Variants in ATP2A2 observed in about 807,000 individuals in gnomAD.
ATP2A2 encodes the protein sarcoplasmic/endoplasmic reticulum calcium ATPase 2.
A neutral mutation model predicts 109.3 loss-of-function variants in ATP2A2; 14 were observed. The ratio of observed to expected loss-of-function variants is 0.13; its 90% CI spans 0.08 to 0.20. The LOEUF is 0.20. Ranked by LOEUF, ATP2A2 falls within the 10% of genes least tolerant of loss-of-function variation. The probability of loss-of-function intolerance (pLI) is 1.00; values close to 1 mark genes in which losing one functional copy is unlikely to be tolerated. For synonymous variants in ATP2A2, 506 were observed against 490.9 expected, an observed-to-expected ratio of 1.03 and a Z score of -0.41; for missense variants, 657 against 1,321.6, an observed-to-expected ratio of 0.50 and a Z score of 7.80.
In ATP2A2 at chr12:110,342,598, T is replaced by C. The variant is rs539765494; in HGVS notation, c.2318+150T>C. On this transcript the variant is annotated intron_variant, in intron 15 of 19. Transcript: ENST00000539276. The surrounding 1 kb of genome is among the most constrained non-coding windows in gnomAD (Gnocchi z 4.6). ...GAGTGGGCAAGACAGAAATGCCTTA[T>C]GGAAGCAGTGGTGCTTTGGCCCTCG... 4.2e-6 allele frequency: 4 copies of C among 943,256 alleles called. No individual in the cohort carries two copies. Among genetic ancestry groups the C allele is most frequent in the South Asian group, 4.2e-5 (3 of 71,062 alleles). The allele number at this position is 943,256 out of a possible 1,614,324, so 58.4% of individuals were successfully genotyped here.
intron 5 of ATP2A2, among the ~76,000 whole-genome samples, chr12:110,298,818 G>A (rs1707696558): frequency 1.3e-5 from 2 of 152,010 alleles, no homozygotes; most frequent in South Asian, 4.2e-4. Flanking sequence ...ACTGTTGAAG[G>A]GTATATTGCA....
intron 8 of ATP2A2, 62 bp from the exon 9 acceptor site, chr12:110,332,535 T>C (rs1030788454): frequency 6.1e-5 from 84 of 1,371,968 alleles, no homozygotes; most frequent in Admixed American, 3.5e-4. Context: ...CAAAGGTAGT[T>C]TATTTGTGTA....
At chr12:110,315,013 C>T (rs530294663) in intron 5 of ATP2A2, among the ~76,000 whole-genome samples, 1 of 152,016 alleles carries the variant, frequency 6.6e-6, no homozygotes, top group Admixed American at 6.6e-5. Context: ...ACCACAGGCA[C>T]CCGCCACCAT....
At position 110,307,716 on chromosome 12, in the gene ATP2A2, A is replaced by G. The variant is rs530384299; in HGVS notation, c.463+10979A>G. On this transcript the variant is annotated intron_variant, in intron 5 of 19. Transcript: ENST00000539276. ...ATTTTGTGTGTGTGTTTGTGTGTGG[A>G]TTTAAGTTCCTTATAGATTCTGGAT... is the stretch of plus-strand genomic sequence containing the variant. Among the ~76,000 whole-genome samples the G allele has an allele frequency of 2.6e-5, 4 of 152,222 alleles. No individual in the cohort carries two copies. In the East Asian group the frequency reaches 5.8e-4, roughly 22 times the overall value.
chr12:110,333,486 G>A (rs1878543919), intron 10 of ATP2A2, among the ~76,000 whole-genome samples: 1 of 152,160 alleles, frequency 6.6e-6, no homozygotes, highest in Admixed American at 6.5e-5. Context: ...CTCTGTGACT[G>A]AGCATTGCAG....
intron 5 of ATP2A2, among the ~76,000 whole-genome samples, chr12:110,299,937 G>C (rs1417474255): frequency 6.6e-6 from 1 of 151,578 alleles, no homozygotes; most frequent in Non-Finnish European, 1.5e-5. Flanking sequence ...TGTATTTTTA[G>C]TAGATGTGGG....
In ATP2A2 at chr12:110,334,061, C is replaced by A; in HGVS notation, c.1337C>A (p.Thr446Asn). The A allele has an allele frequency of 6.2e-7, 1 of 1,614,156 alleles. No homozygotes were observed. Residue 446 changes from threonine to asparagine, a missense_variant, in exon 11 of 20, where the codon ACT becomes AAT. Transcript: ENST00000539276. ...KVGEATETAL[T>N]CLVEKMNVFD... ...GGAGAAGCTACAGAGACTGCTCTCA[C>A]TTGCCTAGTAGAGAAGATGAATGTA...
chr12:110,282,461 A>T (rs1027586263), intron 1 of ATP2A2, 143 bp from the exon 2 acceptor site: 30 of 1,139,258 alleles, frequency 2.6e-5, no homozygotes, highest in Non-Finnish European at 3.9e-5. Flanking sequence ...GGATATTCTT[A>T]TAGCTAGGTC....
chr12:110,333,411 A>G (rs1047289265), intron 10 of ATP2A2, 128 bp downstream of exon 10: 5 of 854,960 alleles, frequency 5.8e-6, no homozygotes, highest in Admixed American at 1.9e-5. Context: ...TCCCCCTTCC[A>G]TTCAGAACCT....
chr12:110,349,632 A>G lies in ATP2A2; in HGVS notation c.*3162A>G. 1.0e-6 allele frequency: 1 copy of G among 986,744 alleles called. No individual in the cohort carries two copies. Among genetic ancestry groups the G allele is most frequent in the Non-Finnish European group, 1.2e-6 (1 of 830,776 alleles). The allele number at this position is 986,744 out of a possible 1,614,324, so 61.1% of individuals were successfully genotyped here. A position where few individuals can be genotyped will look rare whatever the true frequency, so the allele number is the denominator to read the frequency against. On this transcript the variant is annotated 3_prime_UTR_variant, in exon 20 of 20. Coordinates refer to ENST00000539276, the MANE Select transcript of ATP2A2 (RefSeq NM_170665.4). ...CTTCAGCCCTGACTGAGGTGGGCAG[A>G]CCTAAGACCTGAGACCACAAGATTA...
chr12:110,340,063 G>A lies in ATP2A2; in HGVS notation c.1761+342G>A, dbSNP rs868095423. ...ATTCATTAGTTACTGAAGGTCAAAA[G>A]ATCCAAGTTGGAGATTACTTCCACT... On this transcript the variant is annotated intron_variant, in intron 13 of 19. Transcript: ENST00000539276. The surrounding 1 kb of genome is among the most constrained non-coding windows in gnomAD (Gnocchi z 6.0). Among the ~76,000 whole-genome samples the A allele has an allele frequency of 2.1e-4, 32 of 152,108 alleles. No homozygotes were observed. Among genetic ancestry groups the A allele is most frequent in the African/African-American group, 7.7e-4 (32 of 41,402 alleles).
chr12:110,285,801 C>T (rs1430590043), intron 3 of ATP2A2, among the ~76,000 whole-genome samples: 1 of 152,084 alleles, frequency 6.6e-6, no homozygotes, highest in Admixed American at 6.6e-5. Context: ...TTAGATTGAC[C>T]CTAAAATGCT....
Position 110,281,746 on chromosome 12 carries a change from A to T in ATP2A2, c.-44A>T. ...GCCGGAGTGCGAGGCGGAGGCGAGG[A>T]GGCCGCGGGGACGGGAGGCGAGGCC... On this transcript the variant is annotated 5_prime_UTR_variant, in exon 1 of 20. Coordinates refer to ENST00000539276, the MANE Select transcript of ATP2A2 (RefSeq NM_170665.4). 3 of 1,387,338 alleles carry T rather than the reference A, an allele frequency of 2.2e-6. No homozygotes were observed. Among genetic ancestry groups the T allele is most frequent in the Middle Eastern group, 2.0e-4 (1 of 5,014 alleles). 85.9% of individuals were successfully genotyped at this position (1,387,338 alleles called of 1,614,324 possible).
At chr12:110,297,721 C>T (rs1394725713) in intron 5 of ATP2A2, among the ~76,000 whole-genome samples, 7 of 152,024 alleles carry the variant, frequency 4.6e-5, no homozygotes, top group Non-Finnish European at 7.4e-5. Flanking sequence ...CAAGCTCAAG[C>T]GATCCTCCCA....
At chr12:110,293,824 ATATGTGTGTGTG>A (rs1448458303) in intron 4 of ATP2A2, among the ~76,000 whole-genome samples, 6 of 126,380 alleles carry the variant, frequency 4.7e-5, no homozygotes, top group Non-Finnish European at 7.8e-5. Flanking sequence ...TGTGCCATAT[ATATGTGTGTGTG>A]TGTGTGTGTG....
Position 110,348,539 on chromosome 12 carries a change from G to C in ATP2A2, c.*2069G>C, listed in dbSNP as rs1020943446. The stretch of plus-strand genomic sequence containing the variant: ...TGAGTTCAGAGGGCCCACGTTCAAG[G>C]GATGGAGGTGGAACCTGGAGACCGA... On this transcript the variant is annotated 3_prime_UTR_variant, in exon 20 of 20. Transcript: ENST00000539276. The C allele has an allele frequency of 1.0e-6, 1 of 985,426 alleles. No homozygotes were observed. Among genetic ancestry groups the C allele is most frequent in the African/African-American group, 1.7e-5 (1 of 57,232 alleles). The allele number at this position is 985,426 out of a possible 1,614,324, so 61.0% of individuals were successfully genotyped here.
In ATP2A2 at chr12:110,346,763, A is replaced by G; in HGVS notation, c.*293A>G. On this transcript the variant is annotated 3_prime_UTR_variant, in exon 20 of 20. Coordinates refer to ENST00000539276, the MANE Select transcript of ATP2A2 (RefSeq NM_170665.4). ...TGTTCTGTTTAATACTCATCCTTGT[A>G]TAAAAAAAATAGTTGAGCCAGCAGA... 1 of 1,201,924 alleles carries G rather than the reference A, an allele frequency of 8.3e-7. No individual in the cohort carries two copies. Among genetic ancestry groups the G allele is most frequent in the Middle Eastern group, 2.3e-4 (1 of 4,388 alleles). The allele number at this position is 1,201,924 out of a possible 1,614,324, so 74.5% of individuals were successfully genotyped here.
rs1467150916 is a variant in ATP2A2, at chr12:110,334,083, T to C, written c.1359T>C (p.Asn453=). 5.6e-6 allele frequency: 9 copies of C among 1,614,040 alleles called. No homozygotes were observed. The highest frequency in any genetic ancestry group is 2.2e-5 in the East Asian group (1 of 44,886). ...TALTCLVEKM[N]VFDTELKGLS... Reference sequence around the variant, plus strand: ...TCACTTGCCTAGTAGAGAAGATGAATGTATTTGATACCGAATTGAAGGGTC... The same window carrying C: ...TCACTTGCCTAGTAGAGAAGATGAACGTATTTGATACCGAATTGAAGGGTC... Residue 453 remains asparagine (N), a synonymous_variant, in exon 11 of 20, where the codon AAT becomes AAC. Coordinates refer to ENST00000539276, the MANE Select transcript of ATP2A2 (RefSeq NM_170665.4).
chr12:110,315,160 C>G (rs2137780657), intron 5 of ATP2A2, among the ~76,000 whole-genome samples: 1 of 152,258 alleles, frequency 6.6e-6, no homozygotes, highest in Non-Finnish European at 1.5e-5. Context: ...GCCATCGCGC[C>G]CGGCAATATA....
Sources: gnomAD v4.1 joint callset for allele counts (sites outside exome capture counted in the v4.1 genomes callset) on GRCh38, gnomAD v4.1.1 for gene constraint, Gnocchi (gnomAD v3.1) non-coding constraint, MANE v1.5 for transcripts, NCBI Gene and HGNC (gene_info 2026-07-23, HGNC 2026-07-21) for gene names.